ENOX1: variants seen among roughly 807,000 people sequenced by gnomAD.
ENOX1 encodes candidate growth-related and time keeping constitutive hydroquinone (NADH) oxidase.
Under a neutral mutation model 82.5 loss-of-function variants are expected in ENOX1, and 42 were observed. That is an observed-to-expected ratio of 0.51 (90% CI 0.40 to 0.66). The LOEUF is 0.66. ENOX1 is among the 30% of genes least tolerant of loss of function. ENOX1 has a pLI of 0.00. For missense variants in ENOX1, 608 were observed against 811.6 expected (o/e 0.75, Z 3.05); for synonymous variants, 271 against 282.2 (o/e 0.96, Z 0.40).
chr13:43,414,662 G>A (rs1267803238), intron 3 of ENOX1, among the ~76,000 whole-genome samples: 1 of 152,222 alleles, frequency 6.6e-6, no homozygotes, highest in Non-Finnish European at 1.5e-5. Context: ...GCTAGAATGT[G>A]TTCATTCTTT....
intron 1 of ENOX1, among the ~76,000 whole-genome samples, chr13:43,728,119 T>C (rs980446992): frequency 6.6e-6 from 1 of 152,210 alleles, no homozygotes. Context: ...TATCTTTCTT[T>C]TCCTTCTTCT....
rs780047740 is a variant in ENOX1, at chr13:43,361,264, A to G, written c.382+15T>C. 1.2e-6 allele frequency: 2 copies of G among 1,606,442 alleles called. No individual in the cohort carries two copies. The highest frequency in any genetic ancestry group is 1.3e-5 in the African/African-American group (1 of 74,508). ...CATTTAAAATGAGCAAATATTTCTC[A>G]TAGGCGTTACTTACTTGGATTTTGA... On this transcript the variant is annotated intron_variant, in intron 6 of 16. Coordinates refer to ENST00000690772, the MANE Select transcript of ENOX1 (RefSeq NM_001347969.2).
Position 43,578,313 on chromosome 13 carries a change from A to C in ENOX1, c.-219+89166T>G, listed in dbSNP as rs563312467. Among the ~76,000 whole-genome samples the C allele has an allele frequency of 3.7e-4, 56 of 152,350 alleles. No individual in the cohort carries two copies. The South Asian group carries it at 0.011, about 31-fold the overall frequency. ...ATATCAGTGAAATTTATTTCAACTA[A>C]GAATTGATGCAAACAACTGTACACT... On this transcript the variant is annotated intron_variant, in intron 2 of 16. Coordinates refer to ENST00000690772, the MANE Select transcript of ENOX1 (RefSeq NM_001347969.2).
intron 15 of ENOX1, 100 bp from the exon 16 acceptor site, chr13:43,224,238 G>C (rs1269955825): frequency 1.1e-6 from 1 of 938,268 alleles, no homozygotes; most frequent in Non-Finnish European, 1.7e-6. Context: ...GTCAGGCTGA[G>C]TTATGGTCTT....
At chr13:43,425,121 A>G (rs2055213941) in intron 3 of ENOX1, among the ~76,000 whole-genome samples, 2 of 152,164 alleles carry the variant, frequency 1.3e-5, no homozygotes, top group African/African-American at 4.8e-5. Flanking sequence ...CCAGGAACAT[A>G]CATGATTCAG....
chr13:43,674,814 C>T (rs995551781), intron 1 of ENOX1, among the ~76,000 whole-genome samples: 5 of 152,134 alleles, frequency 3.3e-5, no homozygotes, highest in Non-Finnish European at 5.9e-5. Flanking sequence ...GCTGATAATA[C>T]AGCAAGCTAT....
chr13:43,670,122 T>C (rs2085186737), intron 1 of ENOX1, among the ~76,000 whole-genome samples: 1 of 152,178 alleles, frequency 6.6e-6, no homozygotes, highest in Non-Finnish European at 1.5e-5. Context: ...AGTGCTTCTT[T>C]ACAACGACAC....
At chr13:43,347,360 G>A (rs917102129) in intron 8 of ENOX1, among the ~76,000 whole-genome samples, 1 of 152,146 alleles carries the variant, frequency 6.6e-6, no homozygotes, top group African/African-American at 2.4e-5. Context: ...TAGCCTAAAA[G>A]AGGAATATAG....
chr13:43,609,235 C>T (rs2082097419), intron 2 of ENOX1, among the ~76,000 whole-genome samples: 4 of 152,152 alleles, frequency 2.6e-5, no homozygotes, highest in Admixed American at 6.6e-5. Flanking sequence ...TTGTATGTAT[C>T]TGTGAATGAA....
At chr13:43,275,557 G>T (rs935415763) in intron 12 of ENOX1, among the ~76,000 whole-genome samples, 1 of 148,240 alleles carries the variant, frequency 6.7e-6, no homozygotes, top group Non-Finnish European at 1.5e-5. Flanking sequence ...GATAGATATA[G>T]ACAGTGACTG....
intron 8 of ENOX1, 55 bp downstream of exon 8, chr13:43,355,864 T>C: frequency 4.0e-6 from 6 of 1,514,398 alleles, no homozygotes; most frequent in Non-Finnish European, 5.4e-6. Flanking sequence ...ACGCACAGGG[T>C]TCCGTGTCTG....
chr13:43,225,670 G>T (rs1229329599), intron 15 of ENOX1, among the ~76,000 whole-genome samples: 1 of 152,110 alleles, frequency 6.6e-6, no homozygotes, highest in African/African-American at 2.4e-5. Flanking sequence ...GGGTTTCATG[G>T]CTCCCTGATG....
chr13:43,434,200 C>A (rs1023949258), intron 3 of ENOX1, among the ~76,000 whole-genome samples: 60 of 152,314 alleles, frequency 3.9e-4, no homozygotes, highest in African/African-American at 1.4e-3. Context: ...AAATACCTGA[C>A]CCTGCTCAAG....
chr13:43,660,537 C>A lies in ENOX1; in HGVS notation c.-219+6942G>T, dbSNP rs979185954. Among the ~76,000 whole-genome samples the A allele has an allele frequency of 4.9e-4, 75 of 152,250 alleles. 1 individual carries two copies. The highest frequency in any genetic ancestry group is 1.7e-3 in the African/African-American group (71 of 41,534). On this transcript the variant is annotated intron_variant, in intron 2 of 16. Coordinates refer to ENST00000690772, the MANE Select transcript of ENOX1 (RefSeq NM_001347969.2). The stretch of plus-strand genomic sequence containing the variant: ...TTTAGATGAAACTAAATTTAATAAT[C>A]GCATGCTCTTATAAACTAGTATATC...
At chr13:43,616,091 T>TATCTATATAGATATCTATATATATAG (rs2082399869) in intron 2 of ENOX1, among the ~76,000 whole-genome samples, 1 of 43,992 alleles carries the variant, frequency 2.3e-5, no homozygotes, top group African/African-American at 7.3e-5. Flanking sequence ...ATTATATATA[T>TATCTATATAGATATCTATATATATAG]ATATCTATAT....
chr13:43,496,463 G>C (rs995882645), intron 2 of ENOX1, among the ~76,000 whole-genome samples: 2 of 151,624 alleles, frequency 1.3e-5, no homozygotes, highest in Non-Finnish European at 2.9e-5. Flanking sequence ...ATAGCTGACT[G>C]TAACCGAGTA....
At chr13:43,737,159 C>T (rs903135858) in intron 1 of ENOX1, among the ~76,000 whole-genome samples, 1 of 152,096 alleles carries the variant, frequency 6.6e-6, no homozygotes, top group Non-Finnish European at 1.5e-5. Context: ...TAAAAAACAC[C>T]CCAGAATTTG....
chr13:43,651,557 T>C (rs2084170530), intron 2 of ENOX1, among the ~76,000 whole-genome samples: 1 of 149,894 alleles, frequency 6.7e-6, no homozygotes. Context: ...ATTAGCTGAG[T>C]GTGGTGGCAG....
chr13:43,759,746 G>T (rs1950859091), intron 1 of ENOX1, among the ~76,000 whole-genome samples: 1 of 152,108 alleles, frequency 6.6e-6, no homozygotes, highest in Non-Finnish European at 1.5e-5. Context: ...GTAGATACAG[G>T]CAACAGTTAA....
Sources: allele counts gnomAD v4.1 joint callset (sites outside exome capture counted in the v4.1 genomes callset), GRCh38; gene constraint gnomAD v4.1.1; transcripts MANE v1.5; gene names NCBI Gene and HGNC (gene_info 2026-07-23, HGNC 2026-07-21).